TGFBR3: variants seen among roughly 807,000 people sequenced by gnomAD.
The protein encoded by TGFBR3 is transforming growth factor beta receptor 3, also known as transforming growth factor beta receptor type 3.
A neutral mutation model predicts 87.9 loss-of-function variants in TGFBR3; 46 were observed. The ratio of observed to expected loss-of-function variants is 0.52; its 90% CI spans 0.41 to 0.67. The LOEUF is 0.67. TGFBR3 is among the 30% of genes least tolerant of loss of function. The pLI, the probability that TGFBR3 is intolerant of heterozygous loss-of-function variation, is 0.00. For synonymous variants in TGFBR3, 381 were observed against 391.6 expected (o/e 0.97, Z 0.32); for missense variants, 866 against 1,041.9 (o/e 0.83, Z 2.32).
intron 1 of TGFBR3, among the ~76,000 whole-genome samples, chr1:91,867,301 G>A (rs573231817): frequency 1.3e-5 from 2 of 152,294 alleles, no homozygotes; most frequent in South Asian, 2.1e-4. Flanking sequence ...GAAGCAGTAC[G>A]CACAGATGGT....
At chr1:91,792,990 T>C (rs1045508546) in intron 3 of TGFBR3, among the ~76,000 whole-genome samples, 4 of 152,234 alleles carry the variant, frequency 2.6e-5, no homozygotes, top group Non-Finnish European at 5.9e-5. Flanking sequence ...AGGTCTACTC[T>C]GACCCGAGGA....
At chr1:91,752,556 A>C (rs1167535868) in intron 4 of TGFBR3, among the ~76,000 whole-genome samples, 2 of 152,188 alleles carry the variant, frequency 1.3e-5, no homozygotes, top group Admixed American at 1.3e-4. Context: ...CAAAGTGACT[A>C]AGCCTGACAT....
intron 1 of TGFBR3, among the ~76,000 whole-genome samples, chr1:91,865,220 G>A (rs72971019): frequency 0.018 from 1,745 of 97,496 alleles, 15 homozygotes; most frequent in African/African-American, 0.053. Context: ...AAAAAAAAAA[G>A]AAAAAAAGAA....
At chr1:91,830,373 C>A (rs1676812343) in intron 2 of TGFBR3, among the ~76,000 whole-genome samples, 1 of 152,170 alleles carries the variant, frequency 6.6e-6, no homozygotes, top group South Asian at 2.1e-4. Context: ...TTAGCCCTGG[C>A]AATCTGGCAG....
intron 4 of TGFBR3, chr1:91,755,138 A>T (rs142161264): frequency 6.6e-6 from 1 of 152,268 alleles, no homozygotes; most frequent in Non-Finnish European, 1.5e-5. Context: ...GTGTTTGATG[A>T]ACACTTTATA....
chr1:91,887,478 C>G (rs1392141107), upstream of TGFBR3, among the ~76,000 whole-genome samples: 1 of 151,928 alleles, frequency 6.6e-6, no homozygotes, highest in Admixed American at 6.6e-5. Flanking sequence ...GTTGCCCAGG[C>G]TGGTCTCAAA....
At chr1:91,769,749 G>A (rs1220472814) in intron 3 of TGFBR3, among the ~76,000 whole-genome samples, 1 of 151,924 alleles carries the variant, frequency 6.6e-6, no homozygotes, top group African/African-American at 2.4e-5. Flanking sequence ...CAAGCTCGGT[G>A]AAGACCTCCA....
intron 7 of TGFBR3, among the ~76,000 whole-genome samples, chr1:91,726,068 C>T (rs1392120511): frequency 6.6e-6 from 1 of 152,128 alleles, no homozygotes; most frequent in Admixed American, 6.5e-5. Flanking sequence ...CTGGAACAAG[C>T]GTACAGCCAA....
chr1:91,825,472 G>A (rs1404273540), intron 2 of TGFBR3, among the ~76,000 whole-genome samples: 1 of 152,186 alleles, frequency 6.6e-6, no homozygotes, highest in Non-Finnish European at 1.5e-5. Context: ...GTAGTTACTA[G>A]GGCCTGGGGA....
intron 2 of TGFBR3, among the ~76,000 whole-genome samples, chr1:91,896,840 GACTA>G (rs1679562095): frequency 6.6e-6 from 1 of 151,270 alleles, no homozygotes; most frequent in African/African-American, 2.4e-5. Flanking sequence ...AAGGGTCTTT[GACTA>G]ACTCCCCAAG....
intron 16 of TGFBR3, among the ~76,000 whole-genome samples, chr1:91,687,946 G>A (rs887294800): frequency 2.0e-5 from 3 of 152,182 alleles, no homozygotes; most frequent in African/African-American, 7.2e-5. Context: ...ATCAATTAAT[G>A]TCTCAGTTTC....
intron 2 of TGFBR3, among the ~76,000 whole-genome samples, chr1:91,806,973 C>T (rs141529709): frequency 6.6e-6 from 1 of 152,170 alleles, no homozygotes; most frequent in Admixed American, 6.5e-5. Flanking sequence ...TCACTTCAAT[C>T]GAGCTTCATG....
intron 2 of TGFBR3, among the ~76,000 whole-genome samples, chr1:91,827,613 C>T (rs1676691737): frequency 6.6e-6 from 1 of 152,192 alleles, no homozygotes; most frequent in South Asian, 2.1e-4. Context: ...ATGCACGCCG[C>T]ATGAGATAAT....
At chr1:91,755,993 T>C (rs1673727774) in intron 4 of TGFBR3, among the ~76,000 whole-genome samples, 2 of 152,354 alleles carry the variant, frequency 1.3e-5, no homozygotes, top group South Asian at 2.1e-4. Flanking sequence ...AAACATTTTA[T>C]ATGTGATCTC....
chr1:91,872,234 C>A (rs887187051), intron 1 of TGFBR3, among the ~76,000 whole-genome samples: 14 of 152,132 alleles, frequency 9.2e-5, no homozygotes, highest in Non-Finnish European at 1.5e-5. Flanking sequence ...AAATTATGTA[C>A]TTCATTCCAC....
At chr1:91,708,618 G>T in intron 14 of TGFBR3, 45 bp downstream of exon 14, 3 of 1,613,154 alleles carry the variant, frequency 1.9e-6, no homozygotes, top group Non-Finnish European at 2.5e-6. Context: ...TTCTTAACAA[G>T]CAGAGCTCAG....
At chr1:91,797,174 T>C (rs1395320561) in intron 3 of TGFBR3, 113 bp downstream of exon 3, 2 of 1,152,616 alleles carry the variant, frequency 1.7e-6, no homozygotes, top group East Asian at 2.3e-5. Flanking sequence ...TCTCTTATGT[T>C]CATACATGAG....
chr1:91,887,191 G>A (rs1679343814), upstream of TGFBR3, among the ~76,000 whole-genome samples: 3 of 145,086 alleles, frequency 2.1e-5, no homozygotes, highest in South Asian at 6.6e-4. Context: ...TGAAGGGCTT[G>A]GCCTAGAAGG....
intron 2 of TGFBR3, among the ~76,000 whole-genome samples, chr1:91,810,407 A>C (rs975017214): frequency 4.6e-5 from 7 of 152,166 alleles, no homozygotes; most frequent in Non-Finnish European, 1.0e-4. Flanking sequence ...AGGTCCCTTA[A>C]ACTGTTACAC....
Sources: gnomAD v4.1 joint callset for allele counts (sites outside exome capture counted in the v4.1 genomes callset) on GRCh38, gnomAD v4.1.1 for gene constraint, MANE v1.5 for transcripts, NCBI Gene and HGNC (gene_info 2026-07-23, HGNC 2026-07-21) for gene names.